ZNF687: variants seen among roughly 807,000 people sequenced by gnomAD.
The protein encoded by ZNF687 is zinc finger protein 687.
ZNF687 carries 13 observed loss-of-function variants against 71.8 expected under a neutral mutation model. The ratio of observed to expected loss-of-function variants is 0.18; its 90% CI spans 0.12 to 0.29. The LOEUF is 0.29. Among genes scored for constraint, ZNF687 ranks in the 10% least tolerant of loss-of-function variants. The probability of loss-of-function intolerance (pLI) is 1.00; values close to 1 mark genes in which losing one functional copy is unlikely to be tolerated. For synonymous variants in ZNF687, 673 were observed against 641.6 expected, an observed-to-expected ratio of 1.05 and a Z score of -0.74; for missense variants, 1,412 against 1,625.6, an observed-to-expected ratio of 0.87 and a Z score of 2.26.
In ZNF687 at chr1:151,287,221, G is replaced by A; in HGVS notation, c.930G>A (p.Glu310=). The A allele has an allele frequency of 1.2e-6, 2 of 1,614,182 alleles. No individual in the cohort carries two copies. Among genetic ancestry groups the A allele is most frequent in the Non-Finnish European group, 1.7e-6 (2 of 1,180,022 alleles). The change falls in exon 2 of 9, where the codon GAG becomes GAA. Residue 310 remains glutamate, a synonymous_variant. Coordinates refer to ENST00000336715, the MANE Select transcript of ZNF687 (RefSeq NM_020832.3). This position sits in a 1 kb window ranked among gnomAD's most constrained non-coding sequence, Gnocchi z 5.0. ...GSPQSPSSGA[E]AADEDSNDSP... ...CCCAGAGTCCCTCTAGTGGGGCCGA[G>A]GCTGCAGATGAGGACAGCAATGACT...
In ZNF687 at chr1:151,287,731, TG is replaced by T; in HGVS notation, c.1443del (p.Pro482GlnfsTer8). ...VMVQPSKTAT[G>X]PSTGGGTVIS... ...TGGTGCAACCTTCAAAGACAGCTAC[TG>T]GGCCAAGTACAGGGGGCGGCACAGT... On this transcript the variant is annotated frameshift_variant, in exon 2 of 9. Coordinates refer to ENST00000336715, the MANE Select transcript of ZNF687 (RefSeq NM_020832.3). LOFTEE classifies it high-confidence loss of function. This position sits in a 1 kb window ranked among gnomAD's most constrained non-coding sequence, Gnocchi z 5.0. 6.2e-7 allele frequency: 1 copy of T among 1,613,918 alleles called. No individual in the cohort carries two copies. Among genetic ancestry groups the T allele is most frequent in the East Asian group, 2.2e-5 (1 of 44,874 alleles).
Position 151,290,760 on chromosome 1 carries a change from G to A in ZNF687, c.3265G>A (p.Glu1089Lys), listed in dbSNP as rs1187173551. Residue 1089 changes from glutamate to lysine, a missense_variant, in exon 9 of 9, where the codon GAG (glutamate) becomes AAG (lysine). Around this residue, in one of 8 missense-constraint regions of ZNF687, gnomAD observed 284 missense variants for 359.2 expected, o/e 0.79. Coordinates refer to ENST00000336715, the MANE Select transcript of ZNF687 (RefSeq NM_020832.3). ...RRQSSDSCSE[E>K]PDSTTPPAKS... ...CCAGTCTTCTGACTCTTGCAGTGAG[G>A]AGCCTGACAGCACGACACCGCCAGC... 6.2e-7 allele frequency: 1 copy of A among 1,613,082 alleles called. No homozygotes were observed. The highest frequency in any genetic ancestry group is 8.5e-7 in the Non-Finnish European group (1 of 1,179,610).
In ZNF687 at chr1:151,291,281, G is replaced by A. The variant is rs1051947290; in HGVS notation, c.*72G>A. ...TTTCCCTACTGCTGCCTGATCCCTC[G>A]GCTGGGGAGTTTTCATTAACATTAA... On this transcript the variant is annotated 3_prime_UTR_variant, in exon 9 of 9. Coordinates refer to ENST00000336715, the MANE Select transcript of ZNF687 (RefSeq NM_020832.3). 7 of 1,508,892 alleles carry A rather than the reference G, an allele frequency of 4.6e-6. No homozygotes were observed. The African/African-American group carries it at 5.6e-5, about 12-fold the overall frequency. 93.5% of individuals were successfully genotyped at this position (1,508,892 alleles called of 1,614,324 possible).
Position 151,289,143 on chromosome 1 carries a change from C to T in ZNF687, c.2343C>T (p.Ser781=), listed in dbSNP as rs1227940214. The change falls in exon 4 of 9, where the codon TCC becomes TCT. Residue 781 remains serine (S), a synonymous_variant. Transcript: ENST00000336715. ...TTGGGGGTGTGAACTCCATCAAGTC[C>T]CACATCCAGACGTCGCACTGCGAGG... is the stretch of plus-strand genomic sequence containing the variant. ...VVFGGVNSIK[S]HIQTSHCEVF... 3 of 1,614,092 alleles carry T rather than the reference C, an allele frequency of 1.9e-6. No homozygotes were observed. The African/African-American group carries it at 4.0e-5, about 22-fold the overall frequency.
At position 151,287,761 on chromosome 1, in the gene ZNF687, A is replaced by G; in HGVS notation, c.1470A>G (p.Ile490Met). 6 of 1,614,110 alleles carry G rather than the reference A, an allele frequency of 3.7e-6. No individual in the cohort carries two copies. The highest frequency in any genetic ancestry group is 5.1e-6 in the Non-Finnish European group (6 of 1,180,024). The change falls in exon 2 of 9, where the codon ATA becomes ATG. Residue 490 changes from isoleucine (I) to methionine (M), a missense_variant. By Grantham distance (10) the Ile-to-Met change is conservative (BLOSUM62 1). This residue lies in a region of ZNF687 where 133 missense variants were observed against 155.1 expected (regional missense o/e 0.86). Coordinates refer to ENST00000336715, the MANE Select transcript of ZNF687 (RefSeq NM_020832.3). This position sits in a 1 kb window ranked among gnomAD's most constrained non-coding sequence, Gnocchi z 5.0. ...TGPSTGGGTV[I>M]SRTQSSLVEA... Reference sequence around the variant, plus strand: ...CAAGTACAGGGGGCGGCACAGTGATATCACGGACCCAGTCCAGCCTGGTGG... The same window carrying G: ...CAAGTACAGGGGGCGGCACAGTGATGTCACGGACCCAGTCCAGCCTGGTGG...
At chr1:151,289,587 T>C in intron 5 of ZNF687, 47 bp downstream of exon 5, 1 of 1,612,130 alleles carries the variant, frequency 6.2e-7, no homozygotes, top group Non-Finnish European at 8.5e-7. Flanking sequence ...TGTACTGACC[T>C]GGGGCTGGGG....
At chr1:151,282,954 G>C (rs1276902669) in intron 1 of ZNF687, 1 of 247,980 alleles carries the variant, frequency 4.0e-6, no homozygotes, top group Non-Finnish European at 6.4e-6. Flanking sequence ...ACCCCAGCTA[G>C]AGAGCTGAGA....
chr1:151,291,135 A>C lies in ZNF687; in HGVS notation c.3640A>C (p.Asn1214His), dbSNP rs745633019. ...TGGCAAGAGCTGCGACAGCCCTCTA[A>C]ACCTCAAGACCCACTTCCGCACGCA... ...VCGKSCDSPLNLKTHFRTHGM... is the reference protein window; with the variant it reads ...VCGKSCDSPLHLKTHFRTHGM... Residue 1214 changes from asparagine (N) to histidine (H), a missense_variant, in exon 9 of 9, where the codon AAC (asparagine) becomes CAC (histidine). By Grantham distance (68) the Asn-to-His change is moderately conservative. Coordinates refer to ENST00000336715, the MANE Select transcript of ZNF687 (RefSeq NM_020832.3). 1.2e-6 allele frequency: 2 copies of C among 1,613,198 alleles called. No homozygotes were observed. Among genetic ancestry groups the C allele is most frequent in the East Asian group, 4.5e-5 (2 of 44,842 alleles).
intron 3 of ZNF687, 82 bp downstream of exon 3, chr1:151,288,788 A>G (rs756188269): frequency 3.8e-5 from 55 of 1,438,892 alleles, no homozygotes; most frequent in East Asian, 1.2e-4. Flanking sequence ...AAGATCCCCT[A>G]TCTTCCCTGC....
chr1:151,284,150 G>C, intron 1 of ZNF687: 1 of 985,436 alleles, frequency 1.0e-6, no homozygotes, highest in Non-Finnish European at 1.2e-6. Context: ...AAATGGAAAG[G>C]GTGAGGAGTT....
rs368167563 is a variant in ZNF687, at chr1:151,289,292, G to T, written c.2471+21G>T. 2.0e-5 allele frequency: 33 copies of T among 1,612,800 alleles called. 1 individual carries two copies. In the East Asian group the frequency reaches 7.4e-4, roughly 36 times the overall value. ...GCCAAGTGAGGCCCGGGGGAGGGCC[G>T]GGCTGGGCCAGGGAGGGCTGGTGGG... is the stretch of plus-strand genomic sequence containing the variant. On this transcript the variant is annotated intron_variant, in intron 4 of 8. Transcript: ENST00000336715.
At chr1:151,284,510 A>G (rs1285615460) in intron 1 of ZNF687, among the ~76,000 whole-genome samples, 4 of 151,506 alleles carry the variant, frequency 2.6e-5, no homozygotes, top group African/African-American at 9.7e-5. Context: ...CTCTTGGGTA[A>G]TTTCCTTGAG....
In ZNF687 at chr1:151,287,106, C is replaced by G. The variant is rs1201846110; in HGVS notation, c.815C>G (p.Pro272Arg). ...AAGCAGTCTCCAGGGCACCAGAGCC[C>G]TCTTGCCTCCCCCAAAGTGCCCGTC... The part of the protein sequence containing the change: ...FFKQSPGHQS[P>R]LASPKVPVCQ... The change falls in exon 2 of 9, where the codon CCT (proline) becomes CGT (arginine). Residue 272 changes from proline (P) to arginine (R), a missense_variant. Physicochemically the swap from Pro to Arg is moderately radical, Grantham distance 103. Coordinates refer to ENST00000336715, the MANE Select transcript of ZNF687 (RefSeq NM_020832.3). This position sits in a 1 kb window ranked among gnomAD's most constrained non-coding sequence, Gnocchi z 5.0. The G allele has an allele frequency of 6.2e-7, 1 of 1,614,050 alleles. No individual in the cohort carries two copies. The highest frequency in any genetic ancestry group is 8.5e-7 in the Non-Finnish European group (1 of 1,180,030).
At chr1:151,285,085 T>A (rs1693885197) in intron 1 of ZNF687, 1 of 152,168 alleles carries the variant, frequency 6.6e-6, no homozygotes, top group African/African-American at 2.4e-5. Context: ...ATTTGTGTCC[T>A]CTTTCAAACA....
chr1:151,288,923 A>G (rs1210751070), intron 3 of ZNF687, among the ~76,000 whole-genome samples, 172 bp from the exon 4 acceptor site: 1 of 152,186 alleles, frequency 6.6e-6, no homozygotes, highest in African/African-American at 2.4e-5. Flanking sequence ...CTCCCTTGGC[A>G]GCCTCCCTTG....
chr1:151,286,210 G>C (rs940297630), intron 1 of ZNF687, 65 bp from the exon 2 acceptor site: 2 of 1,345,520 alleles, frequency 1.5e-6, no homozygotes, highest in Non-Finnish European at 2.0e-6. Flanking sequence ...AGATGCTGAG[G>C]GAAGAGCTCC....
In ZNF687 at chr1:151,287,408, C is replaced by G. The variant is rs1693999508; in HGVS notation, c.1117C>G (p.Leu373Val). 2 of 1,614,214 alleles carry G rather than the reference C, an allele frequency of 1.2e-6. No individual in the cohort carries two copies. Among genetic ancestry groups the G allele is most frequent in the Non-Finnish European group, 1.7e-6 (2 of 1,180,044 alleles). Residue 373 changes from leucine (L) to valine (V), a missense_variant, in exon 2 of 9, where the codon CTG becomes GTG. Transcript: ENST00000336715. This position sits in a 1 kb window ranked among gnomAD's most constrained non-coding sequence, Gnocchi z 5.0. ...AFLAEASLLK[L>V]SPATPTSEGP... ...CTTGGCTGAGGCTAGCCTCTTGAAG[C>G]TGTCCCCTGCAACACCTACTTCTGA...
rs1694058755 is a variant in ZNF687, at chr1:151,288,610, A to G, written c.2198A>G (p.His733Arg). Residue 733 changes from histidine (H) to arginine (R), a missense_variant, in exon 3 of 9, where the codon CAT becomes CGT. Coordinates refer to ENST00000336715, the MANE Select transcript of ZNF687 (RefSeq NM_020832.3). Reference sequence around the variant, plus strand: ...CGCATGCATAAGAATCGACCCCCCCATGTCTGTCCTGAGTGTGGGGGCAAC... The same window carrying G: ...CGCATGCATAAGAATCGACCCCCCCGTGTCTGTCCTGAGTGTGGGGGCAAC... The part of the protein sequence containing the change: ...HQRMHKNRPP[H>R]VCPECGGNFL... 6.2e-7 allele frequency: 1 copy of G among 1,613,924 alleles called. No individual in the cohort carries two copies. The highest frequency in any genetic ancestry group is 8.5e-7 in the Non-Finnish European group (1 of 1,179,946).
rs746809497 is a variant in ZNF687, at chr1:151,287,146, GGAA to G, written c.861_863del (p.Glu287del). 7 of 1,614,182 alleles carry G rather than the reference GGAA, an allele frequency of 4.3e-6. No individual in the cohort carries two copies. Among genetic ancestry groups the G allele is most frequent in the East Asian group, 4.5e-5 (2 of 44,884 alleles). On this transcript the variant is annotated inframe_deletion, in exon 2 of 9. Coordinates refer to ENST00000336715, the MANE Select transcript of ZNF687 (RefSeq NM_020832.3). This position sits in a 1 kb window ranked among gnomAD's most constrained non-coding sequence, Gnocchi z 5.0. Reference sequence around the variant, plus strand: ...AAGTGCCCGTCTGTCAGCCCTTGAAGGAAGAAGATGATGATGAGGGGCCAGTGG... The same window carrying G: ...AAGTGCCCGTCTGTCAGCCCTTGAAGGAAGATGATGATGAGGGGCCAGTGG...
Sources: gnomAD v4.1 joint callset for allele counts (sites outside exome capture counted in the v4.1 genomes callset) on GRCh38, gnomAD v4.1.1 for gene constraint, gnomAD v4.1.1 regional missense constraint, Gnocchi (gnomAD v3.1) non-coding constraint, MANE v1.5 for transcripts, NCBI Gene and HGNC (gene_info 2026-07-23, HGNC 2026-07-21) for gene names.